The following KCNIP4 variants were observed in gnomAD, a reference collection of about 807,000 sequenced individuals.
KCNIP4 encodes the protein Kv channel-interacting protein 4.
In KCNIP4, 12 loss-of-function variants were observed where a neutral mutation model predicts 34.0. The observed-to-expected ratio is 0.35, with a 90% confidence interval of 0.23 to 0.57. The LOEUF is 0.57. Among genes scored for constraint, KCNIP4 ranks in the 20% least tolerant of loss-of-function variants. The pLI is 0.83. For missense variants in KCNIP4, 238 were observed against 311.7 expected, an observed-to-expected ratio of 0.76 and a Z score of 1.78; for synonymous variants, 124 against 102.2, an observed-to-expected ratio of 1.21 and a Z score of -1.29.
In KCNIP4 at chr4:21,526,625, T is replaced by C. The variant is rs889027456; in HGVS notation, c.61+421946A>G. Among the ~76,000 whole-genome samples the C allele has an allele frequency of 7.2e-5, 11 of 152,094 alleles. 1 individual carries two copies. Among genetic ancestry groups the C allele is most frequent in the African/African-American group, 2.7e-4 (11 of 41,416 alleles). ...TTTAATTTGTCTTAATAATCATGTA[T>C]CACCTATTGTTCTTGATATTGCACC... On this transcript the variant is annotated intron_variant, in intron 1 of 8. Transcript: ENST00000382152.
chr4:21,359,423 T>C (rs1304074699), intron 1 of KCNIP4, among the ~76,000 whole-genome samples: 1 of 152,096 alleles, frequency 6.6e-6, no homozygotes, highest in Non-Finnish European at 1.5e-5. Context: ...AATGATGATG[T>C]ATGATATGTA....
intron 1 of KCNIP4, among the ~76,000 whole-genome samples, chr4:21,522,330 G>A (rs569638277): frequency 2.0e-5 from 3 of 152,128 alleles, no homozygotes; most frequent in South Asian, 4.1e-4. Flanking sequence ...GCAAATATGT[G>A]TAGAGCAAAA....
chr4:21,273,768 T>C (rs559024187), intron 1 of KCNIP4, among the ~76,000 whole-genome samples: 13 of 152,178 alleles, frequency 8.5e-5, no homozygotes, highest in Non-Finnish European at 1.5e-4. Context: ...TGAAAGGTGA[T>C]GAAAGGTGGA....
At chr4:21,339,935 A>G (rs936047969) in intron 1 of KCNIP4, among the ~76,000 whole-genome samples, 5 of 152,098 alleles carry the variant, frequency 3.3e-5, no homozygotes, top group African/African-American at 7.2e-5. Context: ...CTACTCTTGT[A>G]TTCTCATCAA....
intron 1 of KCNIP4, among the ~76,000 whole-genome samples, chr4:21,789,290 T>C (rs889441367): frequency 7.2e-5 from 11 of 152,188 alleles, no homozygotes; most frequent in Non-Finnish European, 1.5e-4. Context: ...ATTGTGTCTT[T>C]CAAAGTTTAA....
chr4:21,189,491 G>A (rs1275937623), intron 1 of KCNIP4, among the ~76,000 whole-genome samples: 2 of 152,132 alleles, frequency 1.3e-5, no homozygotes, highest in African/African-American at 4.8e-5. Context: ...TCTGATCCAT[G>A]CCATAAAAAA....
At chr4:21,041,247 C>CAT (rs200044301) in intron 1 of KCNIP4, among the ~76,000 whole-genome samples, 3,528 of 151,944 alleles carry the variant, frequency 0.023, 124 homozygotes, top group African/African-American at 0.08. Context: ...CACACACACA[C>CAT]ACACACACAC....
rs553283034 is a variant in KCNIP4 at position 21,346,895 on chromosome 4, C to T, written c.62-464186G>A. Among the ~76,000 whole-genome samples the T allele has an allele frequency of 5.3e-5, 8 of 152,246 alleles. No individual in the cohort carries two copies. The East Asian group carries it at 5.8e-4, about 11-fold the overall frequency. ...ACCTCATGGTTTTAGGTTTTTGCTA[C>T]GATCAAACCACCAAATCAACATGAT... On this transcript the variant is annotated intron_variant, in intron 1 of 8. Transcript: ENST00000382152.
intron 1 of KCNIP4, among the ~76,000 whole-genome samples, chr4:21,630,257 G>A (rs1186071611): frequency 1.3e-5 from 2 of 151,822 alleles, no homozygotes; most frequent in Admixed American, 6.6e-5. Flanking sequence ...ACGAGGTCAA[G>A]AGATTGAGAC....
At chr4:21,900,766 C>T (rs1239267473) in intron 1 of KCNIP4, among the ~76,000 whole-genome samples, 1 of 152,112 alleles carries the variant, frequency 6.6e-6, no homozygotes, top group Non-Finnish European at 1.5e-5. Context: ...TTTTTCCCTG[C>T]CATATTTCTA....
intron 3 of KCNIP4, among the ~76,000 whole-genome samples, chr4:20,773,243 G>A (rs1756071835): frequency 6.6e-6 from 1 of 152,080 alleles, no homozygotes; most frequent in South Asian, 2.1e-4. Flanking sequence ...TATGCAGGAC[G>A]TATTTTTGAA....
intron 1 of KCNIP4, among the ~76,000 whole-genome samples, chr4:21,223,387 C>T (rs1449359077): frequency 6.6e-6 from 1 of 152,198 alleles, no homozygotes; most frequent in Non-Finnish European, 1.5e-5. Flanking sequence ...GACTTCTGAC[C>T]TCCAGAACTG....
At chr4:21,154,659 T>C (rs1753014755) in intron 1 of KCNIP4, among the ~76,000 whole-genome samples, 1 of 152,226 alleles carries the variant, frequency 6.6e-6, no homozygotes. Context: ...CAATTAAATA[T>C]TCCATATTTC....
intron 1 of KCNIP4, among the ~76,000 whole-genome samples, chr4:21,858,617 C>T (rs1258877421): frequency 6.6e-6 from 1 of 152,132 alleles, no homozygotes; most frequent in East Asian, 1.9e-4. Context: ...CTTTTACAAG[C>T]ACATTGGCAT....
Position 21,256,665 on chromosome 4 carries a change from A to G in KCNIP4, c.62-373956T>C, listed in dbSNP as rs77421033. ...GTTTTGGATACCATGCTAATTAAGG[A>G]GTCTAGATTTAATTTTAATGCGAAG... is the stretch of plus-strand genomic sequence containing the variant. On this transcript the variant is annotated intron_variant, in intron 1 of 8. Coordinates refer to ENST00000382152, the MANE Select transcript of KCNIP4 (RefSeq NM_025221.6). Among the ~76,000 whole-genome samples the G allele has an allele frequency of 4.2e-3, 632 of 152,216 alleles. 4 individuals are homozygous for G. The highest frequency in any genetic ancestry group is 0.012 in the South Asian group (58 of 4,816).
chr4:21,496,467 T>A (rs553628934), intron 1 of KCNIP4, among the ~76,000 whole-genome samples: 2 of 152,176 alleles, frequency 1.3e-5, no homozygotes, highest in Non-Finnish European at 2.9e-5. Flanking sequence ...AGGGTAGATA[T>A]CTGGTAATCT....
chr4:21,510,078 CAAA>C (rs759477091), intron 1 of KCNIP4, among the ~76,000 whole-genome samples: 111 of 65,224 alleles, frequency 1.7e-3, no homozygotes, highest in African/African-American at 6.2e-3. Flanking sequence ...ACTCCATCTC[CAAA>C]AAAAAAAAAA....
intron 1 of KCNIP4, among the ~76,000 whole-genome samples, chr4:21,641,246 A>G (rs1746592506): frequency 6.6e-6 from 1 of 152,218 alleles, no homozygotes; most frequent in African/African-American, 2.4e-5. Flanking sequence ...CATCTCTTAC[A>G]ACCTGCACCT....
At chr4:21,625,712 G>C (rs1745274695) in intron 1 of KCNIP4, among the ~76,000 whole-genome samples, 1 of 152,154 alleles carries the variant, frequency 6.6e-6, no homozygotes, top group Admixed American at 6.6e-5. Flanking sequence ...TTTCAGTTAA[G>C]TGTACTTAAA....
Sources: gnomAD v4.1 joint callset for allele counts (sites outside exome capture counted in the v4.1 genomes callset) on GRCh38, gnomAD v4.1.1 for gene constraint, MANE v1.5 for transcripts, NCBI Gene and HGNC (gene_info 2026-07-23, HGNC 2026-07-21) for gene names.